ZFYVE9: variants seen among roughly 807,000 people sequenced by gnomAD.
ZFYVE9 encodes the protein zinc finger FYVE domain-containing protein 9.
A neutral mutation model predicts 126.7 loss-of-function variants in ZFYVE9; 43 were observed. The ratio of observed to expected loss-of-function variants is 0.34; its 90% CI spans 0.27 to 0.44. The LOEUF (loss-of-function observed/expected upper bound fraction) is 0.44, where lower values mean the gene tolerates loss of function less well. ZFYVE9 is among the 20% of genes least tolerant of loss of function. The probability of loss-of-function intolerance (pLI) is 1.00; values close to 1 mark genes in which losing one functional copy is unlikely to be tolerated. For synonymous variants in ZFYVE9, 521 were observed against 597.4 expected, an observed-to-expected ratio of 0.87 and a Z score of 1.87; for missense variants, 1,476 against 1,697.0, an observed-to-expected ratio of 0.87 and a Z score of 2.29.
intron 8 of ZFYVE9, among the ~76,000 whole-genome samples, chr1:52,276,628 CCTTT>C (rs1645750920): frequency 1.3e-5 from 2 of 152,164 alleles, no homozygotes; most frequent in Non-Finnish European, 2.9e-5. Context: ...TCCATTTCTT[CCTTT>C]CTTCTGCCTA....
chr1:52,312,136 C>T (rs1054917631), intron 13 of ZFYVE9, among the ~76,000 whole-genome samples: 2 of 152,128 alleles, frequency 1.3e-5, no homozygotes, highest in African/African-American at 4.8e-5. Context: ...TTCTCATTTT[C>T]ATGTGCTTGT....
intron 2 of ZFYVE9, among the ~76,000 whole-genome samples, chr1:52,222,005 C>T (rs1167592489): frequency 6.6e-6 from 1 of 152,142 alleles, no homozygotes; most frequent in East Asian, 1.9e-4. Flanking sequence ...AGATACCATA[C>T]CTTCAATTTG....
At chr1:52,277,764 A>T (rs188790558) in intron 8 of ZFYVE9, among the ~76,000 whole-genome samples, 2 of 152,196 alleles carry the variant, frequency 1.3e-5, no homozygotes, top group Non-Finnish European at 2.9e-5. Context: ...ATTTGACTTC[A>T]AGCTGAAAGG....
At chr1:52,277,012 A>G (rs1645754822) in intron 8 of ZFYVE9, among the ~76,000 whole-genome samples, 1 of 152,236 alleles carries the variant, frequency 6.6e-6, no homozygotes, top group South Asian at 2.1e-4. Context: ...GAACTTTCAC[A>G]TACAGTTAAG....
At chr1:52,345,979 C>T in intron 18 of ZFYVE9, 81 bp from the exon 19 acceptor site, 2 of 1,406,238 alleles carry the variant, frequency 1.4e-6, no homozygotes, top group Non-Finnish European at 1.9e-6. Flanking sequence ...CATCTCCTTT[C>T]CTGCTCAGCC....
At chr1:52,253,698 G>A in intron 4 of ZFYVE9, 2 of 1,603,774 alleles carry the variant, frequency 1.2e-6, no homozygotes, top group Non-Finnish European at 1.7e-6. Flanking sequence ...GGGAAATTGG[G>A]TCACAAGCTG....
chr1:52,340,305 G>T (rs1365246583), intron 17 of ZFYVE9, 74 bp downstream of exon 17: 7 of 1,121,662 alleles, frequency 6.2e-6, no homozygotes, highest in Non-Finnish European at 9.3e-6. Context: ...CCACATTCTG[G>T]GTTGACTTTG....
intron 4 of ZFYVE9, among the ~76,000 whole-genome samples, chr1:52,263,519 G>A (rs992086098): frequency 6.6e-6 from 1 of 152,070 alleles, no homozygotes; most frequent in African/African-American, 2.4e-5. Flanking sequence ...CCCCACTGCT[G>A]TATATTTGCC....
chr1:52,175,768 C>G (rs1239407167), intron 1 of ZFYVE9, among the ~76,000 whole-genome samples: 1 of 152,232 alleles, frequency 6.6e-6, no homozygotes, highest in African/African-American at 2.4e-5. Context: ...TCTTCCATCA[C>G]TGAAACCGTT....
At chr1:52,269,330 A>G (rs1243457797) in intron 7 of ZFYVE9, among the ~76,000 whole-genome samples, 2 of 151,822 alleles carry the variant, frequency 1.3e-5, no homozygotes. Context: ...GGGTTTCACC[A>G]TGTTGCCCAG....
At chr1:52,301,372 G>A (rs1045050573) in intron 12 of ZFYVE9, among the ~76,000 whole-genome samples, 2 of 140,018 alleles carry the variant, frequency 1.4e-5, no homozygotes, top group African/African-American at 5.5e-5. Flanking sequence ...CACAATCACG[G>A]CTCACTGCAC....
At chr1:52,190,435 G>A (rs913243879) in intron 1 of ZFYVE9, 1 of 152,106 alleles carries the variant, frequency 6.6e-6, no homozygotes, top group Non-Finnish European at 1.5e-5. Context: ...TAATTTTATT[G>A]TGCATCAAAA....
At chr1:52,176,672 T>C (rs1007754340) in intron 1 of ZFYVE9, among the ~76,000 whole-genome samples, 1 of 152,154 alleles carries the variant, frequency 6.6e-6, no homozygotes, top group Non-Finnish European at 1.5e-5. Flanking sequence ...GCTGCTTTGT[T>C]TACCTAAGCA....
intron 8 of ZFYVE9, 24 bp downstream of exon 8, chr1:52,274,608 A>G (rs776831539): frequency 3.2e-6 from 5 of 1,584,068 alleles, no homozygotes; most frequent in Non-Finnish European, 4.3e-6. Flanking sequence ...ATATTTAAAC[A>G]GTGATAGTTC....
intron 1 of ZFYVE9, among the ~76,000 whole-genome samples, chr1:52,180,781 G>C (rs559962738): frequency 6.6e-6 from 1 of 151,892 alleles, no homozygotes; most frequent in Non-Finnish European, 1.5e-5. Context: ...TTCGATACCA[G>C]CCTTACCAAC....
At position 52,237,690 on chromosome 1, in the gene ZFYVE9, A is replaced by G; in HGVS notation, c.273A>G (p.Gly91=). 2.5e-6 allele frequency: 4 copies of G among 1,614,096 alleles called. No individual in the cohort carries two copies. The Middle Eastern group carries it at 5.0e-4, about 200-fold the overall frequency. Residue 91 remains glycine (G), a synonymous_variant, in exon 4 of 19, where the codon GGA becomes GGG. Coordinates refer to ENST00000287727, the MANE Select transcript of ZFYVE9 (RefSeq NM_004799.4). ...TTEEEDHCAN[G]QDCNLNPEIA... Reference sequence around the variant, plus strand: ...AGGAAGAGGATCACTGTGCTAATGGACAGGACTGTAATCTAAATCCAGAGA... The same window carrying G: ...AGGAAGAGGATCACTGTGCTAATGGGCAGGACTGTAATCTAAATCCAGAGA...
intron 10 of ZFYVE9, among the ~76,000 whole-genome samples, chr1:52,291,937 G>A (rs1332275610): frequency 1.4e-5 from 2 of 143,586 alleles, no homozygotes; most frequent in Non-Finnish European, 1.5e-5. Flanking sequence ...ATTTAGATAA[G>A]CCCTAAATTA....
chr1:52,152,315 G>T (rs1353913145), intron 1 of ZFYVE9, among the ~76,000 whole-genome samples: 1 of 152,046 alleles, frequency 6.6e-6, no homozygotes, highest in Non-Finnish European at 1.5e-5. Context: ...ATTTGGTTGT[G>T]GAACCCCTTT....
intron 1 of ZFYVE9, among the ~76,000 whole-genome samples, chr1:52,184,201 A>ATC (rs1644742116): frequency 1.4e-5 from 2 of 145,344 alleles, no homozygotes; most frequent in African/African-American, 5.1e-5. Context: ...GTGTCATTAT[A>ATC]TATATATATT....
Sources: gnomAD v4.1 joint callset for allele counts (sites outside exome capture counted in the v4.1 genomes callset) on GRCh38, gnomAD v4.1.1 for gene constraint, MANE v1.5 for transcripts, NCBI Gene and HGNC (gene_info 2026-07-23, HGNC 2026-07-21) for gene names.